NRXN1: variants seen among roughly 807,000 people sequenced by gnomAD.
NRXN1 encodes neurexin-1.
NRXN1 carries 39 observed loss-of-function variants against 150.9 expected under a neutral mutation model. The ratio of observed to expected loss-of-function variants is 0.26; its 90% CI spans 0.20 to 0.34. The LOEUF (loss-of-function observed/expected upper bound fraction) is 0.34, where lower values mean the gene tolerates loss of function less well. Ranked by LOEUF, NRXN1 falls within the 10% of genes least tolerant of loss-of-function variation. The pLI is 1.00. For missense variants in NRXN1, 1,815 were observed against 1,949.9 expected (o/e 0.93, Z 1.30); for synonymous variants, 924 against 757.0 (o/e 1.22, Z -3.62).
chr2:49,994,117 G>A (rs1682507074), intron 21 of NRXN1, among the ~76,000 whole-genome samples: 1 of 152,134 alleles, frequency 6.6e-6, no homozygotes. Context: ...AGTCTCTCAG[G>A]AAGCAGTAAT....
In NRXN1 at chr2:50,587,864, C is replaced by T. The variant is rs1673429343; in HGVS notation, c.1320+32158G>A. ...TTGTGAATTTTCTTTCCAAAGTTAA[C>T]AGTACAAGCCAGGGTAAGATGGTAT... On this transcript the variant is annotated intron_variant, in intron 8 of 22. Transcript: ENST00000401669. 1.1e-4 allele frequency among the ~76,000 whole-genome samples: 16 copies of T among 152,074 alleles called. 1 individual carries two copies. The South Asian group carries it at 3.3e-3, about 32-fold the overall frequency.
chr2:50,715,400 A>G (rs1277515717), intron 5 of NRXN1, among the ~76,000 whole-genome samples: 3 of 152,160 alleles, frequency 2.0e-5, no homozygotes, highest in African/African-American at 7.2e-5. Context: ...TGTGATTGTA[A>G]TAAAAATGCT....
In NRXN1 at chr2:51,027,680, G is replaced by A. The variant is rs1670762149; in HGVS notation, c.594C>T (p.Asp198=). The A allele has an allele frequency of 1.2e-6, 2 of 1,604,398 alleles. No individual in the cohort carries two copies. The highest frequency in any genetic ancestry group is 1.3e-5 in the African/African-American group (1 of 74,652). Residue 198 remains aspartate (D), a synonymous_variant, in exon 2 of 23, where the codon GAC becomes GAT. Transcript: ENST00000401669. The stretch of plus-strand genomic sequence containing the variant: ...CATCGTCCAGCTTCACCTCGCCGCT[G>A]TCCACGGGCAGGACCTGCGAGGAGT... ...RVNSSQVLPV[D]SGEVKLDDEP...
chr2:50,285,274 T>C (rs1420096365), intron 17 of NRXN1, among the ~76,000 whole-genome samples: 2 of 152,188 alleles, frequency 1.3e-5, no homozygotes, highest in African/African-American at 4.8e-5. Context: ...TAATTTGTAT[T>C]TATTTATTCA....
intron 2 of NRXN1, among the ~76,000 whole-genome samples, chr2:50,969,492 G>T (rs1694665850): frequency 6.6e-6 from 1 of 151,908 alleles, no homozygotes; most frequent in African/African-American, 2.4e-5. Context: ...ATTTATCAGT[G>T]GCTTTTAATA....
At chr2:49,977,267 T>TCCAAAA (rs1558621836) in intron 21 of NRXN1, among the ~76,000 whole-genome samples, 1 of 151,970 alleles carries the variant, frequency 6.6e-6, no homozygotes. Flanking sequence ...CGGATGGTGA[T>TCCAAAA]TTTGCTCCAT....
intron 5 of NRXN1, among the ~76,000 whole-genome samples, chr2:50,865,506 C>T (rs1278266225): frequency 6.6e-6 from 1 of 151,202 alleles, no homozygotes; most frequent in Non-Finnish European, 1.5e-5. Context: ...GTCCAGGTCT[C>T]TCTGGTTCCA....
chr2:50,683,877 A>C (rs914178616), intron 5 of NRXN1, among the ~76,000 whole-genome samples: 4 of 151,230 alleles, frequency 2.6e-5, no homozygotes, highest in Non-Finnish European at 1.5e-5. Flanking sequence ...TATTATTTTC[A>C]AAATGGTAAA....
chr2:50,586,437 A>G (rs965617758), intron 8 of NRXN1, among the ~76,000 whole-genome samples: 3 of 152,298 alleles, frequency 2.0e-5, no homozygotes, highest in African/African-American at 7.2e-5. Context: ...TACAAGCTCT[A>G]TAAAGGTAGG....
At chr2:50,722,677 T>C (rs975476095) in intron 5 of NRXN1, among the ~76,000 whole-genome samples, 1 of 152,200 alleles carries the variant, frequency 6.6e-6, no homozygotes. Flanking sequence ...ATAGTGAATA[T>C]GCTTTTCTTT....
In NRXN1 at chr2:51,005,897, T is replaced by C. The variant is rs1406591827; in HGVS notation, c.772+21605A>G. 2.0e-5 allele frequency among the ~76,000 whole-genome samples: 3 copies of C among 151,730 alleles called. No individual in the cohort carries two copies. In the East Asian group the frequency reaches 5.9e-4, roughly 30 times the overall value. The stretch of plus-strand genomic sequence containing the variant: ...ATATATGTTGCCTACAAGAAACCCA[T>C]CTTATCTGCAAATACACACATAGAC... On this transcript the variant is annotated intron_variant, in intron 2 of 22. Coordinates refer to ENST00000401669, the MANE Select transcript of NRXN1 (RefSeq NM_001330078.2).
chr2:50,775,725 A>C (rs1157769589), intron 5 of NRXN1, among the ~76,000 whole-genome samples: 1 of 152,172 alleles, frequency 6.6e-6, no homozygotes, highest in Non-Finnish European at 1.5e-5. Flanking sequence ...AAGGAAGATC[A>C]AAATGTTTTT....
intron 12 of NRXN1, among the ~76,000 whole-genome samples, chr2:50,512,502 A>G (rs191069308): frequency 6.6e-6 from 1 of 152,340 alleles, no homozygotes. Context: ...CAGACTACTA[A>G]GTGAATGTAT....
intron 17 of NRXN1, among the ~76,000 whole-genome samples, chr2:50,411,667 C>T (rs1397705001): frequency 2.7e-5 from 4 of 148,510 alleles, no homozygotes; most frequent in African/African-American, 1.0e-4. Flanking sequence ...GGAGCCCCTC[C>T]GCCCGGCAGC....
chr2:50,967,688 C>A (rs936503527), intron 2 of NRXN1, among the ~76,000 whole-genome samples: 17 of 151,930 alleles, frequency 1.1e-4, no homozygotes, highest in African/African-American at 3.9e-4. Context: ...ATGGAGAATT[C>A]TTCTTCCAGT....
chr2:50,643,032 AT>A (rs1179843725), intron 5 of NRXN1, among the ~76,000 whole-genome samples: 1 of 152,066 alleles, frequency 6.6e-6, no homozygotes, highest in Non-Finnish European at 1.5e-5. Flanking sequence ...TTGTTTAAAA[AT>A]ACTATATTGA....
intron 17 of NRXN1, among the ~76,000 whole-genome samples, chr2:50,265,974 A>G (rs2068789111): frequency 1.1e-5 from 1 of 92,654 alleles, no homozygotes; most frequent in African/African-American, 5.3e-5. Context: ...TGTTATTATT[A>G]TTATTATTAT....
intron 5 of NRXN1, among the ~76,000 whole-genome samples, chr2:50,878,149 C>T (rs77208179): frequency 0.045 from 6,850 of 151,830 alleles, 276 homozygotes; most frequent in Admixed American, 0.14. Context: ...TGCCTGAAAA[C>T]GAGGAGAATT....
At chr2:49,992,522 G>A (rs1682176046) in intron 21 of NRXN1, among the ~76,000 whole-genome samples, 1 of 152,104 alleles carries the variant, frequency 6.6e-6, no homozygotes. Context: ...GGAGGTTGCA[G>A]TGAGCCCTTC....
Sources: gnomAD v4.1 joint callset for allele counts (sites outside exome capture counted in the v4.1 genomes callset) on GRCh38, gnomAD v4.1.1 for gene constraint, MANE v1.5 for transcripts, NCBI Gene and HGNC (gene_info 2026-07-23, HGNC 2026-07-21) for gene names.